FAM229B: variants seen among roughly 807,000 people sequenced by gnomAD.
FAM229B encodes protein FAM229B.
A neutral mutation model predicts 6.7 loss-of-function variants in FAM229B; 2 were observed. The observed-to-expected ratio is 0.30, with a 90% CI of 0.12 to 0.94. The LOEUF (loss-of-function observed/expected upper bound fraction) is 0.94. FAM229B is among the 40% of genes least tolerant of loss of function. FAM229B has a pLI of 0.54. For synonymous variants in FAM229B, 29 were observed against 34.0 expected, an observed-to-expected ratio of 0.85 and a Z score of 0.51; for missense variants, 93 against 96.2, an observed-to-expected ratio of 0.97 and a Z score of 0.14.
chr6:112,098,548 T>G (rs1460990838), intron 2 of FAM229B, among the ~76,000 whole-genome samples: 1 of 152,192 alleles, frequency 6.6e-6, no homozygotes, highest in Non-Finnish European at 1.5e-5. Flanking sequence ...TTATCACCAA[T>G]GTACCCTTGA....
rs1450751041 is a variant in FAM229B, at chr6:112,101,014, G to C, written c.*227G>C. 3 of 416,416 alleles carry C rather than the reference G, an allele frequency of 7.2e-6. No homozygotes were observed. Among genetic ancestry groups the C allele is most frequent in the African/African-American group, 6.1e-5 (3 of 49,110 alleles). The allele number at this position is 416,416 out of a possible 1,614,324, so 25.8% of individuals were successfully genotyped here. A position where few individuals can be genotyped will look rare whatever the true frequency, so the allele number is the denominator to read the frequency against. ...CAGAATAATATTTCACAATTAGAAA[G>C]TACCTTAGAGATCATCTTGCTCACA... is the stretch of plus-strand genomic sequence containing the variant. On this transcript the variant is annotated 3_prime_UTR_variant, in exon 4 of 4. Coordinates refer to ENST00000368656, the MANE Select transcript of FAM229B (RefSeq NM_001033564.3).
At position 112,097,593 on chromosome 6, in the gene FAM229B, T is replaced by TGTGTACTAATAGTTGAAAACAC. The variant is rs1562611116; in HGVS notation, c.-15+392_-15+393insGTGTACTAATAGTTGAAAACAC. ...CATTGTGTACTAATAGTTGAAAACA[T>TGTGTACTAATAGTTGAAAACAC]TGTGTACTAATAGTTGAAAACATTG... is the stretch of plus-strand genomic sequence containing the variant. On this transcript the variant is annotated intron_variant, in intron 2 of 3. Transcript: ENST00000368656. Among the ~76,000 whole-genome samples the TGTGTACTAATAGTTGAAAACAC allele has an allele frequency of 5.4e-3, 815 of 152,074 alleles. 9 individuals are homozygous for TGTGTACTAATAGTTGAAAACAC. The highest frequency in any genetic ancestry group is 0.019 in the African/African-American group (771 of 41,412).
intron 1 of FAM229B, among the ~76,000 whole-genome samples, chr6:112,090,982 T>C (rs782366088): frequency 5.3e-5 from 8 of 152,000 alleles, no homozygotes; most frequent in Non-Finnish European, 1.0e-4. Context: ...TTGTATCCGT[T>C]GGACATCTTT....
chr6:112,094,747 C>G (rs782114758), intron 1 of FAM229B, among the ~76,000 whole-genome samples: 7 of 152,060 alleles, frequency 4.6e-5, no homozygotes, highest in Non-Finnish European at 7.4e-5. Flanking sequence ...TTTCTTAGAA[C>G]ATGACAAGTT....
intron 1 of FAM229B, among the ~76,000 whole-genome samples, chr6:112,096,327 C>T (rs1388596156): frequency 3.3e-5 from 5 of 152,078 alleles, no homozygotes; most frequent in South Asian, 2.1e-4. Context: ...GAGGCCGAGG[C>T]GGGCGGATCA....
Position 112,093,769 on chromosome 6 carries a change from A to G in FAM229B, c.-175-3272A>G, listed in dbSNP as rs188634203. ...GAACACTGAAGCCAACTATAGCAGC[A>G]TATACATTCAAGTATGTGTGAAACA... On this transcript the variant is annotated intron_variant, in intron 1 of 3. Coordinates refer to ENST00000368656, the MANE Select transcript of FAM229B (RefSeq NM_001033564.3). 5.3e-5 allele frequency among the ~76,000 whole-genome samples: 8 copies of G among 152,242 alleles called. No individual in the cohort carries two copies. The East Asian group carries it at 1.5e-3, about 29-fold the overall frequency.
Position 112,100,815 on chromosome 6 carries a change from A to T in FAM229B, c.*28A>T. On this transcript the variant is annotated 3_prime_UTR_variant, in exon 4 of 4. Coordinates refer to ENST00000368656, the MANE Select transcript of FAM229B (RefSeq NM_001033564.3). ...CCATTAAGTCTTTTGTCAAGGTCTG[A>T]CTAGGTCAAGGGTAATGGACCAGTA... The T allele has an allele frequency of 6.5e-7, 1 of 1,544,202 alleles. No homozygotes were observed. Among genetic ancestry groups the T allele is most frequent in the Non-Finnish European group, 9.0e-7 (1 of 1,116,572 alleles).
Position 112,102,783 on chromosome 6 carries a change from A to G in FAM229B, c.*1996A>G, listed in dbSNP as rs1211791347. On this transcript the variant is annotated 3_prime_UTR_variant, in exon 4 of 4. Coordinates refer to ENST00000368656, the MANE Select transcript of FAM229B (RefSeq NM_001033564.3). ...TCAAAATAAAAATAAAAACTACAAT[A>G]AAATCCAGCACCAAAAGTGTAACAT... is the stretch of plus-strand genomic sequence containing the variant. 1 of 152,212 alleles carries G rather than the reference A, an allele frequency of 6.6e-6. No homozygotes were observed. Among genetic ancestry groups the G allele is most frequent in the East Asian group, 1.9e-4 (1 of 5,196 alleles). 9.4% of individuals were successfully genotyped at this position (152,212 alleles called of 1,614,324 possible). A position where few individuals can be genotyped will look rare whatever the true frequency, so the allele number is the denominator to read the frequency against.
intron 1 of FAM229B, among the ~76,000 whole-genome samples, chr6:112,094,376 T>C (rs1777296150): frequency 6.6e-6 from 1 of 152,220 alleles, no homozygotes; most frequent in African/African-American, 2.4e-5. Context: ...TGCTTATGTC[T>C]CAGACTCCAT....
chr6:112,094,734 T>G (rs587621935), intron 1 of FAM229B, among the ~76,000 whole-genome samples: 27 of 152,310 alleles, frequency 1.8e-4, no homozygotes, highest in Admixed American at 1.5e-3. Context: ...CCATGGGTCT[T>G]TTTTTCTTAG....
At position 112,099,465 on chromosome 6, in the gene FAM229B, C is replaced by A. The variant is rs1054777046; in HGVS notation, c.125+57C>A. 8 of 1,473,894 alleles carry A rather than the reference C, an allele frequency of 5.4e-6. No homozygotes were observed. The African/African-American group carries it at 1.0e-4, about 18-fold the overall frequency. 91.3% of individuals were successfully genotyped at this position (1,473,894 alleles called of 1,614,324 possible). On this transcript the variant is annotated intron_variant, in intron 3 of 3. Coordinates refer to ENST00000368656, the MANE Select transcript of FAM229B (RefSeq NM_001033564.3). ...TATGTATTGGCTATCATCAATACAACCTTCAGCTGATATTCATTATTAGCA... is the reference window on the plus strand; with the variant it reads ...TATGTATTGGCTATCATCAATACAAACTTCAGCTGATATTCATTATTAGCA...
Position 112,099,387 on chromosome 6 carries a change from G to C in FAM229B, c.104G>C (p.Gly35Ala). ...CTGAGCTCCAGTGCTGCCTGTAATG[G>C]GAAGGAGATGTCACCAACCAGGTAA... ...PGLSSSAACNGKEMSPTRQLR... is the reference protein window; with the variant it reads ...PGLSSSAACNAKEMSPTRQLR... The change falls in exon 3 of 4, where the codon GGG (glycine) becomes GCG (alanine). Residue 35 changes from glycine to alanine, a missense_variant. Physicochemically the swap from Gly to Ala is moderately conservative, Grantham distance 60 (BLOSUM62 0). Coordinates refer to ENST00000368656, the MANE Select transcript of FAM229B (RefSeq NM_001033564.3). 6.2e-7 allele frequency: 1 copy of C among 1,613,508 alleles called. No individual in the cohort carries two copies. Among genetic ancestry groups the C allele is most frequent in the South Asian group, 1.1e-5 (1 of 90,950 alleles).
At chr6:112,094,726 A>G (rs1248386196) in intron 1 of FAM229B, among the ~76,000 whole-genome samples, 6 of 152,218 alleles carry the variant, frequency 3.9e-5, no homozygotes, top group Admixed American at 3.9e-4. Flanking sequence ...AATGAAGTCC[A>G]TGGGTCTTTT....
At chr6:112,097,386 T>G (rs1287714129) in intron 2 of FAM229B, among the ~76,000 whole-genome samples, 185 bp downstream of exon 2, 1 of 152,252 alleles carries the variant, frequency 6.6e-6, no homozygotes, top group South Asian at 2.1e-4. Flanking sequence ...AATTTAGTTT[T>G]ATTATTAACA....
intron 1 of FAM229B, among the ~76,000 whole-genome samples, chr6:112,090,987 A>G (rs1420927338): frequency 4.6e-5 from 7 of 151,726 alleles, no homozygotes; most frequent in African/African-American, 1.5e-4. Flanking sequence ...TCCGTTGGAC[A>G]TCTTTCTGAT....
At chr6:112,100,551 C>A in intron 3 of FAM229B, 119 bp from the exon 4 acceptor site, 1 of 664,830 alleles carries the variant, frequency 1.5e-6, no homozygotes, top group Non-Finnish European at 2.6e-6. Flanking sequence ...CATTGTATGA[C>A]ATTCAGAGAT....
chr6:112,099,281 A>C lies in FAM229B; in HGVS notation c.-3A>C. The C allele has an allele frequency of 6.2e-7, 1 of 1,612,268 alleles. No individual in the cohort carries two copies. Among genetic ancestry groups the C allele is most frequent in the Non-Finnish European group, 8.5e-7 (1 of 1,179,324 alleles). On this transcript the variant is annotated 5_prime_UTR_variant, in exon 3 of 4. Coordinates refer to ENST00000368656, the MANE Select transcript of FAM229B (RefSeq NM_001033564.3). The stretch of plus-strand genomic sequence containing the variant: ...ACTTTCCGATCTAGGTTTTCAGTGA[A>C]GTATGCCTTTTCAATTTGGAACCCA...
At position 112,097,592 on chromosome 6, in the gene FAM229B, A is replaced by AC. The variant is rs1554318794; in HGVS notation, c.-15+391_-15+392insC. Among the ~76,000 whole-genome samples the AC allele has an allele frequency of 5.4e-3, 815 of 152,282 alleles. 9 individuals carry two copies. Among genetic ancestry groups the AC allele is most frequent in the African/African-American group, 0.019 (771 of 41,586 alleles). ...ACATTGTGTACTAATAGTTGAAAACATTGTGTACTAATAGTTGAAAACATT... is the reference window on the plus strand; with the variant it reads ...ACATTGTGTACTAATAGTTGAAAACACTTGTGTACTAATAGTTGAAAACATT... On this transcript the variant is annotated intron_variant, in intron 2 of 3. Coordinates refer to ENST00000368656, the MANE Select transcript of FAM229B (RefSeq NM_001033564.3).
Position 112,100,742 on chromosome 6 carries a change from G to T in FAM229B, c.198G>T (p.Thr66=). 1 of 1,613,938 alleles carries T rather than the reference G, an allele frequency of 6.2e-7. No individual in the cohort carries two copies. Among genetic ancestry groups the T allele is most frequent in the Non-Finnish European group, 8.5e-7 (1 of 1,179,902 alleles). ...TTCCCGTCACTGTTTATGCAACAAC[G>T]AGAAAGCCACCTGCACAAAGCAGCA... The part of the protein sequence containing the change: ...TDVPVTVYAT[T]RKPPAQSSKE... Residue 66 remains threonine (T), a synonymous_variant, in exon 4 of 4, where the codon ACG becomes ACT. Transcript: ENST00000368656.
Sources: gnomAD v4.1 joint callset for allele counts (sites outside exome capture counted in the v4.1 genomes callset) on GRCh38, gnomAD v4.1.1 for gene constraint, MANE v1.5 for transcripts, NCBI Gene and HGNC (gene_info 2026-07-23, HGNC 2026-07-21) for gene names.